The following SRPX variants were observed in gnomAD, a reference collection of about 807,000 sequenced individuals.
The protein encoded by SRPX is sushi repeat-containing protein SRPX.
In SRPX, 24 loss-of-function variants were observed where a neutral mutation model predicts 38.1. The ratio of observed to expected loss-of-function variants is 0.63; its 90% CI spans 0.46 to 0.89. The LOEUF is 0.89. Ranked by LOEUF, SRPX falls within the 40% of genes least tolerant of loss-of-function variation. The pLI is 0.00. For missense variants in SRPX, 416 were observed against 377.8 expected, an observed-to-expected ratio of 1.10 and a Z score of -0.84; for synonymous variants, 184 against 153.8, an observed-to-expected ratio of 1.20 and a Z score of -1.45.
At chrX:38,212,621 C>A (rs923733709) in intron 1 of SRPX, among the ~76,000 whole-genome samples, 2 of 111,651 alleles carry the variant, frequency 1.8e-5, no homozygotes, top group African/African-American at 6.5e-5. Context: ...ATGCTGCTGG[C>A]ATGCAAGCAC....
At position 38,160,964 on chromosome X, in the gene SRPX, C is replaced by G; in HGVS notation, c.744G>C (p.Lys248Asn). 1.7e-6 allele frequency: 2 copies of G among 1,209,637 alleles called. No individual in the cohort carries two copies. Among genetic ancestry groups the G allele is most frequent in the Non-Finnish European group, 2.2e-6 (2 of 894,438 alleles). ...QYTVYDRAEN[K>N]GTCKFRVKVR... Reference sequence around the variant, plus strand: ...CTTTAACTCGAAATTTGCAAGTGCCCTTATTCTCAGCTCTGTCATAGACTG... The same window carrying G: ...CTTTAACTCGAAATTTGCAAGTGCCGTTATTCTCAGCTCTGTCATAGACTG... Residue 248 changes from lysine (K) to asparagine (N), a missense_variant, in exon 6 of 10, where the codon AAG (lysine) becomes AAC (asparagine). Physicochemically the swap from Lys to Asn is moderately conservative, Grantham distance 94 (BLOSUM62 0). Coordinates refer to ENST00000378533, the MANE Select transcript of SRPX (RefSeq NM_006307.5).
At position 38,171,949 on chromosome X, in the gene SRPX, A is replaced by C; in HGVS notation, c.458T>G (p.Leu153Trp). ...ACATGTGACGGTCCGCTCCCCTTTC[A>C]ACGTGTATCCTGGTGAACAATAATA... ...CEYYCSPGYT[L>W]KGERTVTCMD... is the part of the protein sequence containing the mutation. The change falls in exon 4 of 10, where the codon TTG becomes TGG. Residue 153 changes from leucine (L) to tryptophan (W), a missense_variant. Transcript: ENST00000378533. 8.3e-7 allele frequency: 1 copy of C among 1,209,679 alleles called. No individual in the cohort carries two copies. Among genetic ancestry groups the C allele is most frequent in the Non-Finnish European group, 1.1e-6 (1 of 895,131 alleles).
At chrX:38,158,476 T>G (rs1353243277) in intron 7 of SRPX, among the ~76,000 whole-genome samples, 1 of 111,386 alleles carries the variant, frequency 9.0e-6, no homozygotes, top group Non-Finnish European at 1.9e-5. Context: ...ATTCACACAT[T>G]CATTCATTCA....
chrX:38,178,222 G>C, intron 2 of SRPX, 63 bp downstream of exon 2: 1 of 929,393 alleles, frequency 1.1e-6, no homozygotes, highest in Non-Finnish European at 1.5e-6. Flanking sequence ...TGTTTCACAA[G>C]GCAAAAAGGA....
At chrX:38,205,513 T>C (rs916824080) in intron 1 of SRPX, among the ~76,000 whole-genome samples, 1 of 111,913 alleles carries the variant, frequency 8.9e-6, no homozygotes, top group Non-Finnish European at 1.9e-5. Context: ...AATTATACCT[T>C]TTATAGACCA....
intron 3 of SRPX, among the ~76,000 whole-genome samples, chrX:38,172,303 A>C (rs1602447449): frequency 8.9e-6 from 1 of 112,027 alleles, no homozygotes; most frequent in Admixed American, 9.4e-5. Context: ...AAAGTACAAA[A>C]TTAGCCAGGC....
intron 1 of SRPX, among the ~76,000 whole-genome samples, chrX:38,208,135 C>G (rs1370174796): frequency 8.9e-6 from 1 of 111,805 alleles, no homozygotes; most frequent in Admixed American, 9.4e-5. Context: ...ATTTATGCCC[C>G]GCCCACACAT....
intron 1 of SRPX, among the ~76,000 whole-genome samples, chrX:38,208,954 T>C (rs2147126287): frequency 9.5e-6 from 1 of 104,738 alleles, no homozygotes; most frequent in African/African-American, 3.5e-5. Flanking sequence ...CTCAAAGTGC[T>C]GGGATTACAG....
At chrX:38,178,151 T>TA (rs1938598890) in intron 2 of SRPX, 134 bp downstream of exon 2, 9 of 376,058 alleles carry the variant, frequency 2.4e-5, no homozygotes, top group African/African-American at 1.6e-4. Context: ...ATATATATAT[T>TA]TTTTTTTCCT....
At chrX:38,201,420 A>G (rs1939109742) in intron 1 of SRPX, among the ~76,000 whole-genome samples, 1 of 112,058 alleles carries the variant, frequency 8.9e-6, no homozygotes, top group African/African-American at 3.2e-5. Flanking sequence ...AATTCTGGGT[A>G]AGATGCAGTA....
chrX:38,167,180 T>C (rs1938377337), intron 4 of SRPX, among the ~76,000 whole-genome samples: 1 of 110,991 alleles, frequency 9.0e-6, no homozygotes, highest in Non-Finnish European at 1.9e-5. Context: ...GGAAGAAGCA[T>C]TTCCTCTCTT....
chrX:38,154,079 G>A (rs955144006), intron 9 of SRPX: 4 of 132,479 alleles, frequency 3.0e-5, no homozygotes, highest in African/African-American at 1.3e-4. Flanking sequence ...TGTTCTGGAA[G>A]CATGGAGAAA....
intron 1 of SRPX, among the ~76,000 whole-genome samples, chrX:38,181,112 ATCT>A (rs1938663927): frequency 8.9e-6 from 1 of 112,308 alleles, no homozygotes; most frequent in Non-Finnish European, 1.9e-5. Context: ...CCCTTTCCTA[ATCT>A]TCTCTTCTTG....
intron 1 of SRPX, among the ~76,000 whole-genome samples, chrX:38,195,600 G>T (rs1938985572): frequency 9.0e-6 from 1 of 111,126 alleles, no homozygotes; most frequent in South Asian, 3.8e-4. Flanking sequence ...GATATGCTTT[G>T]CCAATAAAAT....
chrX:38,154,709 T>C, intron 8 of SRPX, 126 bp from the exon 9 acceptor site: 1 of 878,011 alleles, frequency 1.1e-6, no homozygotes, highest in Non-Finnish European at 1.5e-6. Flanking sequence ...CTCTGAACTG[T>C]CCTGAAAACA....
intron 4 of SRPX, among the ~76,000 whole-genome samples, chrX:38,168,103 C>G (rs1009131528): frequency 7.2e-5 from 8 of 111,578 alleles, no homozygotes; most frequent in Non-Finnish European, 1.1e-4. Flanking sequence ...ACTTGGAAAT[C>G]CTTGACACAT....
chrX:38,149,481 T>G lies in SRPX; in HGVS notation c.*230A>C. ...ATTTCTCTACAAAATCAAGCAGCCA[T>G]GATGGAGTAAAGAAAGTTAGAAAGA... On this transcript the variant is annotated 3_prime_UTR_variant, in exon 10 of 10. Coordinates refer to ENST00000378533, the MANE Select transcript of SRPX (RefSeq NM_006307.5). 1 of 321,923 alleles carries G rather than the reference T, an allele frequency of 3.1e-6. No homozygotes were observed. The highest frequency in any genetic ancestry group is 5.3e-6 in the Non-Finnish European group (1 of 188,253). 26.5% of individuals were successfully genotyped at this position (321,923 alleles called of 1,213,427 possible).
chrX:38,170,546 C>T (rs1938447782), intron 4 of SRPX, among the ~76,000 whole-genome samples: 1 of 111,045 alleles, frequency 9.0e-6, no homozygotes, highest in East Asian at 2.8e-4. Context: ...GATCGCTGTA[C>T]CCCTTTTTGT....
intron 1 of SRPX, among the ~76,000 whole-genome samples, chrX:38,203,462 AC>A (rs1939151617): frequency 8.9e-6 from 1 of 112,766 alleles, no homozygotes; most frequent in African/African-American, 3.2e-5. Context: ...AAGAAAAGAT[AC>A]AAAGATTGGA....
Sources: allele counts gnomAD v4.1 joint callset (sites outside exome capture counted in the v4.1 genomes callset), GRCh38; gene constraint gnomAD v4.1.1; transcripts MANE v1.5; gene names NCBI Gene and HGNC (gene_info 2026-07-23, HGNC 2026-07-21).